Variants in PDE4D observed in about 807,000 individuals in gnomAD.
PDE4D encodes 3',5'-cyclic-AMP phosphodiesterase 4D.
PDE4D carries 24 observed loss-of-function variants against 87.4 expected under a neutral mutation model. That is an observed-to-expected ratio of 0.27 (90% CI 0.20 to 0.39). The LOEUF (loss-of-function observed/expected upper bound fraction) is 0.39, where lower values mean the gene tolerates loss of function less well. PDE4D is among the 10% of genes least tolerant of loss of function. The pLI is 1.00. For synonymous variants in PDE4D, 384 were observed against 383.2 expected (o/e 1.00, Z -0.02); for missense variants, 714 against 1,041.0 (o/e 0.69, Z 4.32).
intron 1 of PDE4D, among the ~76,000 whole-genome samples, chr5:59,408,577 G>A (rs527332286): frequency 6.6e-6 from 1 of 152,320 alleles, no homozygotes; most frequent in Admixed American, 6.5e-5. Context: ...GTCCCAGAAT[G>A]TAGATCCACT....
rs35509503 is a variant in PDE4D at position 59,205,653 on chromosome 5, AACACACACAC to A, written c.647+10114_647+10123del. ...TGTCTAATATGCTATCCACTAGCTA[AACACACACAC>A]ACACACACACACACACACACACACA... is the stretch of plus-strand genomic sequence containing the variant. On this transcript the variant is annotated intron_variant, in intron 2 of 14. Transcript: ENST00000340635. Among the ~76,000 whole-genome samples, 997 of 136,390 alleles carry A rather than the reference AACACACACAC, an allele frequency of 7.3e-3. 12 individuals are homozygous for A. Among genetic ancestry groups the A allele is most frequent in the East Asian group, 0.058 (268 of 4,636 alleles). The allele number at this position is 136,390 out of a possible 152,430, so 89.5% of individuals were successfully genotyped here. A position where few individuals can be genotyped will look rare whatever the true frequency, so the allele number is the denominator to read the frequency against.
In PDE4D at chr5:59,400,296, C is replaced by A. The variant is rs1037355982; in HGVS notation, c.456-184328G>T. The stretch of plus-strand genomic sequence containing the variant: ...GACACATGCACATGTATGTTTATTG[C>A]GGCATTATTCACAATAGCAAAGACT... On this transcript the variant is annotated intron_variant, in intron 1 of 14. Coordinates refer to ENST00000340635, the MANE Select transcript of PDE4D (RefSeq NM_001104631.2). 5.3e-3 allele frequency among the ~76,000 whole-genome samples: 548 copies of A among 102,824 alleles called. 70 individuals carry two copies. The highest frequency in any genetic ancestry group is 0.046 in the Admixed American group (480 of 10,546). The allele number at this position is 102,824 out of a possible 152,430, so 67.5% of individuals were successfully genotyped here.
At chr5:58,999,511 G>A (rs766847267) in intron 6 of PDE4D, 1 of 1,533,438 alleles carries the variant, frequency 6.5e-7, no homozygotes, top group South Asian at 1.1e-5. Flanking sequence ...CCAAGACACT[G>A]ACAGTAAATA....
At chr5:60,390,447 G>C (rs1225321282) in intron 1 of PDE4D, among the ~76,000 whole-genome samples, 1 of 152,018 alleles carries the variant, frequency 6.6e-6, no homozygotes, top group Non-Finnish European at 1.5e-5. Flanking sequence ...AAAGTAAGAG[G>C]TATTCAACAT....
At chr5:59,131,678 G>A (rs576277365) in intron 5 of PDE4D, among the ~76,000 whole-genome samples, 2 of 149,648 alleles carry the variant, frequency 1.3e-5, no homozygotes, top group South Asian at 4.2e-4. Context: ...CCCCATGGGA[G>A]ATGACTGCCC....
intron 1 of PDE4D, among the ~76,000 whole-genome samples, chr5:60,479,131 T>C (rs1427397502): frequency 6.6e-6 from 1 of 152,156 alleles, no homozygotes; most frequent in African/African-American, 2.4e-5. Flanking sequence ...TACACTATGC[T>C]TCTGAATCTT....
chr5:59,898,219 T>A (rs914113146), upstream of PDE4D, among the ~76,000 whole-genome samples: 3 of 152,158 alleles, frequency 2.0e-5, no homozygotes, highest in African/African-American at 7.2e-5. Context: ...TATCACAAAA[T>A]CAATTTTGTA....
At chr5:60,491,007 TA>T (rs1413498110), upstream of PDE4D, 4 of 152,184 alleles carry the variant, frequency 2.6e-5, no homozygotes, top group Admixed American at 1.3e-4. Flanking sequence ...GGCAGGGTAT[TA>T]ACTCCATTCC....
chr5:59,626,159 G>C (rs1338429475), intron 1 of PDE4D, among the ~76,000 whole-genome samples: 1 of 152,146 alleles, frequency 6.6e-6, no homozygotes, highest in Non-Finnish European at 1.5e-5. Context: ...TAACATTAAA[G>C]TAATGTTTGT....
In PDE4D at chr5:59,006,461, G is replaced by A. The variant is rs538624453; in HGVS notation, c.922-12996C>T. The stretch of plus-strand genomic sequence containing the variant: ...TGTGCTTGTAGTTCCAGATACTACT[G>A]AGGTGGGAGGTGGGAGGTGCTGAGG... On this transcript the variant is annotated intron_variant, in intron 6 of 14. Coordinates refer to ENST00000340635, the MANE Select transcript of PDE4D (RefSeq NM_001104631.2). Among the ~76,000 whole-genome samples the A allele has an allele frequency of 3.7e-3, 560 of 152,058 alleles. 2 individuals are homozygous for A. The highest frequency in any genetic ancestry group is 0.014 in the Middle Eastern group (4 of 294).
chr5:60,227,599 G>A, intron 1 of PDE4D, among the ~76,000 whole-genome samples: 1 of 135,992 alleles, frequency 7.4e-6, no homozygotes, highest in Non-Finnish European at 1.6e-5. Flanking sequence ...AAGGGGGAGA[G>A]AGGGAGGGAG....
intron 2 of PDE4D, among the ~76,000 whole-genome samples, chr5:60,017,037 A>G (rs1765585442): frequency 6.6e-6 from 1 of 152,232 alleles, no homozygotes; most frequent in African/African-American, 2.4e-5. Flanking sequence ...AGATCCATTG[A>G]TTGCAGAATG....
At chr5:59,017,850 A>G (rs10043736) in intron 6 of PDE4D, among the ~76,000 whole-genome samples, 15,662 of 152,246 alleles carry the variant, frequency 0.1, 1,052 homozygotes, top group Non-Finnish European at 0.13. Flanking sequence ...AATAAGTGCA[A>G]TTAAAAGTGG....
At chr5:59,568,783 A>T (rs1039331003) in intron 1 of PDE4D, among the ~76,000 whole-genome samples, 1 of 152,174 alleles carries the variant, frequency 6.6e-6, no homozygotes, top group Admixed American at 6.5e-5. Flanking sequence ...TTCTATAGCA[A>T]AGATAAATGA....
intron 1 of PDE4D, among the ~76,000 whole-genome samples, chr5:60,398,837 C>A (rs1352265553): frequency 6.6e-6 from 1 of 152,118 alleles, no homozygotes; most frequent in Non-Finnish European, 1.5e-5. Flanking sequence ...GAAACAGACT[C>A]AGAGGGTGAA....
chr5:59,319,645 T>C (rs1227481757), intron 1 of PDE4D, among the ~76,000 whole-genome samples: 1 of 152,146 alleles, frequency 6.6e-6, no homozygotes, highest in African/African-American at 2.4e-5. Context: ...TATAAAAAGA[T>C]GTTACTAATA....
chr5:59,926,790 T>A (rs961680089), intron 3 of PDE4D, among the ~76,000 whole-genome samples: 2 of 151,994 alleles, frequency 1.3e-5, no homozygotes, highest in African/African-American at 4.8e-5. Flanking sequence ...ATGAATAAAT[T>A]CCTAGACACA....
chr5:59,191,372 A>G (rs1043391908), intron 3 of PDE4D, among the ~76,000 whole-genome samples: 7 of 151,652 alleles, frequency 4.6e-5, no homozygotes, highest in African/African-American at 1.7e-4. Flanking sequence ...ACCTTTTTTC[A>G]TTTGTTATTA....
intron 2 of PDE4D, among the ~76,000 whole-genome samples, chr5:60,108,146 G>A (rs1325864960): frequency 6.6e-6 from 1 of 151,690 alleles, no homozygotes; most frequent in South Asian, 2.1e-4. Context: ...AAGCTGATAA[G>A]CAACTTCAGC....
Sources: gnomAD v4.1 joint callset for allele counts (sites outside exome capture counted in the v4.1 genomes callset) on GRCh38, gnomAD v4.1.1 for gene constraint, MANE v1.5 for transcripts, NCBI Gene and HGNC (gene_info 2026-07-23, HGNC 2026-07-21) for gene names.